The following MID1 variants were observed in gnomAD, a reference collection of about 807,000 sequenced individuals.
MID1 encodes midline 1, also known as E3 ubiquitin-protein ligase Midline-1.
In MID1, 7 loss-of-function variants were observed where a neutral mutation model predicts 40.4. The ratio of observed to expected loss-of-function variants is 0.17; its 90% confidence interval spans 0.10 to 0.33. MID1 has a LOEUF of 0.33. Among genes scored for constraint, MID1 ranks in the 10% least tolerant of loss-of-function variants. The pLI is 1.00. For synonymous variants in MID1, 229 were observed against 221.2 expected (o/e 1.04, Z -0.31); for missense variants, 367 against 558.5 (o/e 0.66, Z 3.46).
chrX:10,555,546 C>T (rs1382592414), intron 2 of MID1, among the ~76,000 whole-genome samples: 1 of 111,066 alleles, frequency 9.0e-6, no homozygotes, highest in Non-Finnish European at 1.9e-5. Context: ...TTTTTCATTT[C>T]TGCATTCCCA....
chrX:10,672,328 T>C (rs1233330049), intron 1 of MID1, among the ~76,000 whole-genome samples: 1 of 111,929 alleles, frequency 8.9e-6, no homozygotes, highest in African/African-American at 3.3e-5. Context: ...TTATGTTACA[T>C]GGCAAAAGGG....
intron 1 of MID1, among the ~76,000 whole-genome samples, chrX:10,610,747 TAA>T (rs753254930): frequency 8.9e-6 from 1 of 111,757 alleles, no homozygotes; most frequent in South Asian, 3.8e-4. Context: ...AGAAATCCTA[TAA>T]AGTTTTTCTT....
rs369473330 is a variant in MID1 at position 10,609,156 on chromosome X, T to TACAC, written c.-57+11130_-57+11133dup. ...TTATACATATACATGCACACGTGCA[T>TACAC]ACACACACACACACACACACACATT... On this transcript the variant is annotated intron_variant, in intron 1 of 9. Coordinates refer to ENST00000317552, the MANE Select transcript of MID1 (RefSeq NM_000381.4). Among the ~76,000 whole-genome samples the TACAC allele has an allele frequency of 9.3e-3, 995 of 106,987 alleles. 12 individuals carry two copies. The highest frequency in any genetic ancestry group is 0.031 in the African/African-American group (917 of 29,330). 92.9% of individuals were successfully genotyped at this position (106,987 alleles called of 115,157 possible).
intron 1 of MID1, among the ~76,000 whole-genome samples, chrX:10,724,012 T>C (rs374088454): frequency 2.7e-5 from 3 of 112,165 alleles, no homozygotes; most frequent in South Asian, 3.8e-4. Flanking sequence ...GGCTGGACCA[T>C]CTTCAGTGGC....
intron 1 of MID1, among the ~76,000 whole-genome samples, chrX:10,679,487 G>GC (rs1383051252): frequency 2.7e-5 from 3 of 111,857 alleles, no homozygotes; most frequent in Non-Finnish European, 3.8e-5. Context: ...TCGATCCTTT[G>GC]CCTGTTGGTA....
At chrX:10,811,280 C>CA (rs1307269104) in intron 1 of MID1, among the ~76,000 whole-genome samples, 1 of 112,190 alleles carries the variant, frequency 8.9e-6, no homozygotes, top group Non-Finnish European at 1.9e-5. Flanking sequence ...CGGGTTGCTG[C>CA]CTTTGACTGC....
intron 1 of MID1, among the ~76,000 whole-genome samples, chrX:10,661,285 G>T (rs2042909828): frequency 9.1e-6 from 1 of 110,321 alleles, no homozygotes; most frequent in Non-Finnish European, 1.9e-5. Flanking sequence ...CTCTGCATTA[G>T]TTTTGCAAAC....
chrX:10,520,503 A>G (rs1415521292), intron 3 of MID1, among the ~76,000 whole-genome samples: 1 of 112,275 alleles, frequency 8.9e-6, no homozygotes, highest in East Asian at 2.8e-4. Flanking sequence ...TTGTGCATCT[A>G]CTGACAGTTA....
rs183054073 is a variant in MID1 at position 10,611,419 on chromosome X, T to G, written c.-57+8871A>C. Among the ~76,000 whole-genome samples the G allele has an allele frequency of 7.1e-3, 794 of 112,375 alleles. 4 individuals are homozygous for G. Among genetic ancestry groups the G allele is most frequent in the African/African-American group, 0.024 (751 of 30,950 alleles). On this transcript the variant is annotated intron_variant, in intron 1 of 9. Coordinates refer to ENST00000317552, the MANE Select transcript of MID1 (RefSeq NM_000381.4). ...ATGGGAAAAATATGCTAAGCCCGTT[T>G]CTGCTGGATGAAGAAGTAAAGCAGA...
intron 2 of MID1, among the ~76,000 whole-genome samples, chrX:10,529,266 C>A (rs1174650883): frequency 8.9e-6 from 1 of 111,937 alleles, no homozygotes; most frequent in Non-Finnish European, 1.9e-5. Flanking sequence ...TAAAAGCATG[C>A]CCACACATTT....
At chrX:10,523,557 A>T (rs1332305253) in intron 2 of MID1, among the ~76,000 whole-genome samples, 5 of 112,243 alleles carry the variant, frequency 4.5e-5, no homozygotes, top group African/African-American at 1.6e-4. Flanking sequence ...TCCCACATCA[A>T]ATCAACTACC....
Position 10,482,564 on chromosome X carries a change from G to T in MID1, c.929C>A (p.Ala310Glu). The change falls in exon 5 of 10, where the codon GCA becomes GAA. Residue 310 changes from alanine to glutamate, a missense_variant. By Grantham distance (107) the Ala-to-Glu change is moderately radical. This residue lies in a region of MID1 where 275 missense variants were observed against 383.1 expected (regional missense o/e 0.72). Transcript: ENST00000317552. ...ANCKQCIERS[A>E]SLISQAEHSL... Reference sequence around the variant, plus strand: ...GTGTTCCGCTTGGGAGATGAGTGATGCTGACCGCTCAATGCACTGTTTGCA... The same window carrying T: ...GTGTTCCGCTTGGGAGATGAGTGATTCTGACCGCTCAATGCACTGTTTGCA... 8.3e-7 allele frequency: 1 copy of T among 1,209,909 alleles called. No individual in the cohort carries two copies.
chrX:10,554,708 C>T lies in MID1; in HGVS notation c.660+12180G>A, dbSNP rs146626089. On this transcript the variant is annotated intron_variant, in intron 2 of 9. Coordinates refer to ENST00000317552, the MANE Select transcript of MID1 (RefSeq NM_000381.4). ...CAATCCAGAGGCAAAAATAGCATCT[C>T]CCTCCAAGCTCCTTAAGTGAAGTGC... 7.4e-3 allele frequency among the ~76,000 whole-genome samples: 816 copies of T among 110,936 alleles called. 9 individuals carry two copies. Among genetic ancestry groups the T allele is most frequent in the South Asian group, 0.028 (73 of 2,565 alleles).
intron 1 of MID1, among the ~76,000 whole-genome samples, chrX:10,762,787 G>A (rs2043689535): frequency 9.0e-6 from 1 of 111,353 alleles, no homozygotes. Flanking sequence ...ATCACTAAAC[G>A]TATTCCTTAA....
chrX:10,521,116 A>G (rs1188432425), intron 3 of MID1, among the ~76,000 whole-genome samples: 1 of 55,073 alleles, frequency 1.8e-5, no homozygotes, highest in Admixed American at 2.5e-4. Flanking sequence ...AAGAGTGTGT[A>G]TGGGAGGGGG....
intron 1 of MID1, among the ~76,000 whole-genome samples, chrX:10,798,635 C>A (rs771848084): frequency 8.1e-5 from 9 of 111,604 alleles, no homozygotes; most frequent in Non-Finnish European, 1.7e-4. Flanking sequence ...TGGCAATGGA[C>A]ATCTTTACCC....
chrX:10,591,690 C>CA (rs1935305082), intron 1 of MID1, among the ~76,000 whole-genome samples: 1 of 109,418 alleles, frequency 9.1e-6, no homozygotes, highest in Non-Finnish European at 1.9e-5. Context: ...ACCTCCCCCC[C>CA]TTCACCTCCC....
chrX:10,694,985 G>A (rs2043153171), intron 1 of MID1, among the ~76,000 whole-genome samples: 1 of 111,647 alleles, frequency 9.0e-6, no homozygotes, highest in Non-Finnish European at 1.9e-5. Context: ...AGGCCACCAG[G>A]TTAGGACGAT....
chrX:10,804,369 A>T (rs189105795), intron 1 of MID1, among the ~76,000 whole-genome samples: 1 of 111,663 alleles, frequency 9.0e-6, no homozygotes, highest in East Asian at 2.8e-4. Flanking sequence ...GGCATGATGT[A>T]TTGGGTAATA....
Sources: gnomAD v4.1 joint callset for allele counts (sites outside exome capture counted in the v4.1 genomes callset) on GRCh38, gnomAD v4.1.1 for gene constraint, gnomAD v4.1.1 regional missense constraint, MANE v1.5 for transcripts, NCBI Gene and HGNC (gene_info 2026-07-23, HGNC 2026-07-21) for gene names.